Variants in TENT2 observed in about 807,000 individuals in gnomAD.
TENT2 encodes terminal nucleotidyltransferase 2.
Under a neutral mutation model 72.2 loss-of-function variants are expected in TENT2, and 44 were observed. The ratio of observed to expected loss-of-function variants is 0.61; its 90% CI spans 0.48 to 0.78. TENT2 has a LOEUF of 0.78. Ranked by LOEUF, TENT2 falls within the 30% of genes least tolerant of loss-of-function variation. TENT2 has a pLI of 0.00. For missense variants in TENT2, 541 were observed against 569.6 expected (o/e 0.95, Z 0.51); for synonymous variants, 212 against 192.5 (o/e 1.10, Z -0.84).
chr5:79,678,279 C>T (rs1262001299), intron 12 of TENT2, among the ~76,000 whole-genome samples: 1 of 152,032 alleles, frequency 6.6e-6, no homozygotes, highest in Non-Finnish European at 1.5e-5. Flanking sequence ...AATCAAATTT[C>T]TATAAACAAA....
rs1205028241 is a variant in TENT2 at position 79,659,554 on chromosome 5, AT to A, written c.1071+2554del. ...CTCAAAAAAAAAAAAAAAAAAAAAA[AT>A]GTATATATATATATATATATATATA... On this transcript the variant is annotated intron_variant, in intron 11 of 14. Coordinates refer to ENST00000453514, the MANE Select transcript of TENT2 (RefSeq NM_001114394.3). Among the ~76,000 whole-genome samples the A allele has an allele frequency of 3.2e-4, 15 of 47,288 alleles. 1 individual carries two copies. Among genetic ancestry groups the A allele is most frequent in the African/African-American group, 8.3e-4 (11 of 13,228 alleles). The allele number at this position is 47,288 out of a possible 152,430, so 31.0% of individuals were successfully genotyped here. A position where few individuals can be genotyped will look rare whatever the true frequency, so the allele number is the denominator to read the frequency against.
intron 11 of TENT2, among the ~76,000 whole-genome samples, chr5:79,667,950 A>C (rs1176958537): frequency 6.9e-6 from 1 of 144,310 alleles, no homozygotes; most frequent in Non-Finnish European, 1.5e-5. Flanking sequence ...TTTTTTAACG[A>C]AAAAAAAAAA....
At chr5:79,649,859 A>G (rs1792311896) in intron 10 of TENT2, among the ~76,000 whole-genome samples, 1 of 152,174 alleles carries the variant, frequency 6.6e-6, no homozygotes, top group Admixed American at 6.6e-5. Flanking sequence ...CCTTACTTTC[A>G]TATTTCTCAA....
chr5:79,644,451 G>A (rs1787125067), intron 7 of TENT2, among the ~76,000 whole-genome samples: 2 of 152,164 alleles, frequency 1.3e-5, no homozygotes, highest in Middle Eastern at 3.4e-3. Context: ...AATTTTCTAT[G>A]ATAAGTATAT....
At chr5:79,660,768 A>T (rs543722531) in intron 11 of TENT2, among the ~76,000 whole-genome samples, 1 of 152,226 alleles carries the variant, frequency 6.6e-6, no homozygotes, top group African/African-American at 2.4e-5. Context: ...ATGCTTATTT[A>T]AAAAACAAGC....
rs1825781821 is a variant in TENT2, at chr5:79,685,544, A to G, written c.*271A>G. ...GATCAGATAAAATATATTTTGGGAA[A>G]TTAACTGAACAAATAAAAAGTTTTT... is the stretch of plus-strand genomic sequence containing the variant. On this transcript the variant is annotated 3_prime_UTR_variant, in exon 15 of 15. Transcript: ENST00000453514. 4.1e-6 allele frequency: 1 copy of G among 242,700 alleles called. No individual in the cohort carries two copies. The highest frequency in any genetic ancestry group is 7.5e-6 in the Non-Finnish European group (1 of 133,856). 15.0% of individuals were successfully genotyped at this position (242,700 alleles called of 1,614,324 possible).
intron 10 of TENT2, among the ~76,000 whole-genome samples, chr5:79,656,146 T>C (rs1197778411): frequency 6.6e-6 from 1 of 151,998 alleles, no homozygotes; most frequent in East Asian, 1.9e-4. Flanking sequence ...ACTCATGACA[T>C]TATATTTTAC....
chr5:79,674,518 G>T (rs183966475), intron 12 of TENT2, among the ~76,000 whole-genome samples: 3 of 152,150 alleles, frequency 2.0e-5, no homozygotes, highest in East Asian at 1.9e-4. Context: ...ACTATAAAAG[G>T]TATTTGAGTT....
intron 4 of TENT2, among the ~76,000 whole-genome samples, chr5:79,628,042 C>T (rs945994672): frequency 2.0e-5 from 3 of 151,974 alleles, no homozygotes; most frequent in Non-Finnish European, 2.9e-5. Context: ...AGTGGTAAAA[C>T]CAAGATTTGA....
intron 11 of TENT2, among the ~76,000 whole-genome samples, chr5:79,657,799 AACC>A (rs753796962): frequency 2.6e-5 from 4 of 152,150 alleles, no homozygotes; most frequent in Non-Finnish European, 4.4e-5. Flanking sequence ...ACTCTTCTGA[AACC>A]ACGTAATTTT....
At chr5:79,667,671 C>A (rs947905440) in intron 11 of TENT2, among the ~76,000 whole-genome samples, 10 of 152,096 alleles carry the variant, frequency 6.6e-5, no homozygotes, top group African/African-American at 2.4e-4. Flanking sequence ...TAGTAGTTAA[C>A]AATTATTGAT....
intron 4 of TENT2, among the ~76,000 whole-genome samples, chr5:79,633,432 G>GTTTTTTTTT (rs539713889): frequency 7.5e-5 from 6 of 80,368 alleles, no homozygotes; most frequent in Admixed American, 1.6e-4. Flanking sequence ...CAGCTAAAAA[G>GTTTTTTTTT]TTTTTTTTTT....
Position 79,649,114 on chromosome 5 carries a change from C to T in TENT2, c.951C>T (p.His317=). 1 of 1,613,348 alleles carries T rather than the reference C, an allele frequency of 6.2e-7. No homozygotes were observed. The change falls in exon 10 of 15, where the codon CAC becomes CAT. Residue 317 remains histidine, a synonymous_variant. Transcript: ENST00000453514. ...LVLVIKKWAS[H]HQINDASRGT... ...TGGTGATTAAGAAGTGGGCAAGTCA[C>T]CATCAGATAAATGATGCCAGTCGTG...
intron 10 of TENT2, among the ~76,000 whole-genome samples, chr5:79,651,619 A>G (rs1011453577): frequency 1.3e-5 from 2 of 151,908 alleles, no homozygotes; most frequent in Admixed American, 6.6e-5. Context: ...TTTTTTGTTT[A>G]TGACAGCTTA....
chr5:79,664,618 A>G (rs1055527387), intron 11 of TENT2, among the ~76,000 whole-genome samples: 2 of 151,826 alleles, frequency 1.3e-5, no homozygotes, highest in Admixed American at 6.6e-5. Flanking sequence ...AAAGAGGTTA[A>G]CAAATTTTGG....
intron 4 of TENT2, among the ~76,000 whole-genome samples, chr5:79,638,303 T>C (rs1435755892): frequency 6.6e-6 from 1 of 152,146 alleles, no homozygotes; most frequent in Non-Finnish European, 1.5e-5. Flanking sequence ...GCCAGGGACC[T>C]TTCACCTGCC....
In TENT2 at chr5:79,686,997, T is replaced by G. The variant is rs940309686; in HGVS notation, c.*1724T>G. On this transcript the variant is annotated 3_prime_UTR_variant, in exon 15 of 15. Transcript: ENST00000453514. ...ACTATTCAGTAATACTGTGCAACTT[T>G]CAGGGATGGGTAAGTATGTACCCTC... 2.0e-5 allele frequency among the ~76,000 whole-genome samples: 3 copies of G among 152,170 alleles called. No homozygotes were observed. The highest frequency in any genetic ancestry group is 7.2e-5 in the African/African-American group (3 of 41,448).
chr5:79,657,805 G>T (rs942895826), intron 11 of TENT2, among the ~76,000 whole-genome samples: 2 of 151,988 alleles, frequency 1.3e-5, no homozygotes, highest in African/African-American at 4.8e-5. Flanking sequence ...CTGAAACCAC[G>T]TAATTTTTAC....
intron 1 of TENT2, among the ~76,000 whole-genome samples, chr5:79,614,265 G>A (rs1221063526): frequency 1.3e-5 from 2 of 151,888 alleles, no homozygotes; most frequent in African/African-American, 2.4e-5. Context: ...ACTATGCTTG[G>A]CTAATTTTTG....
Sources: gnomAD v4.1 joint callset for allele counts (sites outside exome capture counted in the v4.1 genomes callset) on GRCh38, gnomAD v4.1.1 for gene constraint, MANE v1.5 for transcripts, NCBI Gene and HGNC (gene_info 2026-07-23, HGNC 2026-07-21) for gene names.